AKAP6: variants seen among roughly 807,000 people sequenced by gnomAD.
AKAP6 encodes A-kinase anchor protein 6.
Under a neutral mutation model 188.5 loss-of-function variants are expected in AKAP6, and 58 were observed. The observed-to-expected ratio is 0.31, with a 90% CI of 0.25 to 0.38. AKAP6 has a LOEUF of 0.38. AKAP6 is among the 10% of genes least tolerant of loss of function. The pLI, the probability that AKAP6 is intolerant of heterozygous loss-of-function variation, is 1.00. For synonymous variants in AKAP6, 989 were observed against 998.6 expected (o/e 0.99, Z 0.18); for missense variants, 2,710 against 2,740.0 (o/e 0.99, Z 0.24).
intron 2 of AKAP6, among the ~76,000 whole-genome samples, chr14:32,513,308 T>C (rs1292274943): frequency 6.6e-6 from 1 of 152,214 alleles, no homozygotes; most frequent in Non-Finnish European, 1.5e-5. Context: ...AATAAGTGTA[T>C]TTTCCTTACC....
At chr14:32,599,271 C>A in intron 5 of AKAP6, 139 bp from the exon 6 acceptor site, 1 of 633,544 alleles carries the variant, frequency 1.6e-6, no homozygotes, top group Non-Finnish European at 2.7e-6. Flanking sequence ...ATATCAATAG[C>A]TTTTAGTATT....
At chr14:32,676,308 G>T (rs1326181775) in intron 7 of AKAP6, among the ~76,000 whole-genome samples, 3 of 151,984 alleles carry the variant, frequency 2.0e-5, no homozygotes, top group Non-Finnish European at 4.4e-5. Context: ...GTTTCTGATT[G>T]TTGACTCTTT....
intron 1 of AKAP6, among the ~76,000 whole-genome samples, chr14:32,372,970 T>C (rs1888056945): frequency 1.3e-5 from 2 of 152,098 alleles, no homozygotes; most frequent in South Asian, 4.1e-4. Context: ...AATTGTTGCT[T>C]GTTTTAGGAA....
At chr14:32,569,060 T>C (rs1297943856) in intron 4 of AKAP6, among the ~76,000 whole-genome samples, 1 of 152,190 alleles carries the variant, frequency 6.6e-6, no homozygotes, top group Non-Finnish European at 1.5e-5. Flanking sequence ...CTTTTCCCAG[T>C]TGAAACCACT....
rs140455189 is a variant in AKAP6 at position 32,651,342 on chromosome 14, C to T, written c.2731-26969C>T. On this transcript the variant is annotated intron_variant, in intron 7 of 13. Transcript: ENST00000280979. ...TCATCACTCTTCTAAATTGTTTGAC[C>T]GGCTCTTTGTCACTATGGTGGTAAT... 4.7e-3 allele frequency among the ~76,000 whole-genome samples: 709 copies of T among 152,232 alleles called. 10 individuals carry two copies. The highest frequency in any genetic ancestry group is 0.016 in the African/African-American group (672 of 41,534).
At chr14:32,447,704 G>A (rs1890801960) in intron 2 of AKAP6, among the ~76,000 whole-genome samples, 1 of 152,176 alleles carries the variant, frequency 6.6e-6, no homozygotes, top group Admixed American at 6.5e-5. Flanking sequence ...AAAATTATCA[G>A]TGTATCACAT....
At chr14:32,765,087 A>G (rs1426450597) in intron 11 of AKAP6, among the ~76,000 whole-genome samples, 1 of 151,896 alleles carries the variant, frequency 6.6e-6, no homozygotes, top group Non-Finnish European at 1.5e-5. Context: ...GGTACATGCC[A>G]CCACGCCCAG....
chr14:32,490,214 T>A (rs2138941370), intron 2 of AKAP6, among the ~76,000 whole-genome samples: 1 of 151,482 alleles, frequency 6.6e-6, no homozygotes, highest in East Asian at 2.0e-4. Context: ...TTTGTGGATC[T>A]TCAGTTGCTT....
intron 5 of AKAP6, among the ~76,000 whole-genome samples, chr14:32,578,472 T>G (rs1421479259): frequency 6.6e-6 from 1 of 152,164 alleles, no homozygotes; most frequent in Non-Finnish European, 1.5e-5. Flanking sequence ...TTTTATATAC[T>G]GTCCTTAGTA....
chr14:32,728,436 A>T (rs2030999890), intron 9 of AKAP6, among the ~76,000 whole-genome samples: 1 of 151,656 alleles, frequency 6.6e-6, no homozygotes, highest in Admixed American at 6.6e-5. Context: ...GGGAAAGGGG[A>T]TCTTGCTGGA....
At chr14:32,430,448 A>T (rs1890180357) in intron 1 of AKAP6, among the ~76,000 whole-genome samples, 1 of 152,158 alleles carries the variant, frequency 6.6e-6, no homozygotes. Context: ...TTACGGTAGG[A>T]TGTGTATTCC....
At chr14:32,334,481 T>G (rs1886627580) in intron 1 of AKAP6, among the ~76,000 whole-genome samples, 3 of 152,210 alleles carry the variant, frequency 2.0e-5, no homozygotes, top group Admixed American at 1.3e-4. Context: ...TAATAATGAC[T>G]CCAAAGCTCA....
intron 4 of AKAP6, among the ~76,000 whole-genome samples, chr14:32,570,290 C>T (rs977042200): frequency 7.3e-6 from 1 of 137,176 alleles, no homozygotes; most frequent in Non-Finnish European, 1.6e-5. Context: ...GCCACCACGC[C>T]CAGCTGATTT....
At chr14:32,481,139 T>G (rs1447953093) in intron 2 of AKAP6, among the ~76,000 whole-genome samples, 5 of 152,208 alleles carry the variant, frequency 3.3e-5, no homozygotes, top group Non-Finnish European at 7.3e-5. Context: ...TATTTCTGCA[T>G]CCATATATAA....
In AKAP6 at chr14:32,455,624, T is replaced by G. The variant is rs190068161; in HGVS notation, c.324+21807T>G. On this transcript the variant is annotated intron_variant, in intron 2 of 13. Coordinates refer to ENST00000280979, the MANE Select transcript of AKAP6 (RefSeq NM_004274.5). ...AAATCCTGAGATTCTTCCTTGAAAATTAATTTGAAAATAAATTTGCTTGCC... is the reference window on the plus strand; with the variant it reads ...AAATCCTGAGATTCTTCCTTGAAAAGTAATTTGAAAATAAATTTGCTTGCC... 1.9e-3 allele frequency among the ~76,000 whole-genome samples: 293 copies of G among 152,290 alleles called. 6 individuals are homozygous for G. In the East Asian group the frequency reaches 0.041, roughly 21 times the overall value.
At chr14:32,388,012 T>C (rs1271436158) in intron 1 of AKAP6, among the ~76,000 whole-genome samples, 1 of 152,060 alleles carries the variant, frequency 6.6e-6, no homozygotes, top group East Asian at 1.9e-4. Context: ...AATTACCATT[T>C]CAATCTCGCT....
In AKAP6 at chr14:32,639,177, A is replaced by T. The variant is rs950736303; in HGVS notation, c.2730+38385A>T. Among the ~76,000 whole-genome samples the T allele has an allele frequency of 3.3e-5, 5 of 152,184 alleles. No homozygotes were observed. In the South Asian group the frequency reaches 1.0e-3, roughly 32 times the overall value. Reference sequence around the variant, plus strand: ...TAACACTTAGGAATAAGCCCTGAAGATGATTAAAGGAGTTATAGATGATTC... The same window carrying T: ...TAACACTTAGGAATAAGCCCTGAAGTTGATTAAAGGAGTTATAGATGATTC... On this transcript the variant is annotated intron_variant, in intron 7 of 13. Transcript: ENST00000280979.
chr14:32,630,747 CT>C (rs1442865596), intron 7 of AKAP6, among the ~76,000 whole-genome samples: 2 of 152,118 alleles, frequency 1.3e-5, no homozygotes, highest in Non-Finnish European at 2.9e-5. Context: ...GGGGTTAGTT[CT>C]TTTAATGTTT....
chr14:32,351,964 A>T (rs116237070), intron 1 of AKAP6, among the ~76,000 whole-genome samples: 3,798 of 152,014 alleles, frequency 0.025, 137 homozygotes, highest in African/African-American at 0.082. Flanking sequence ...TGTGATTTGA[A>T]CTTGGGTTTG....
Sources: allele counts gnomAD v4.1 joint callset (sites outside exome capture counted in the v4.1 genomes callset), GRCh38; gene constraint gnomAD v4.1.1; transcripts MANE v1.5; gene names NCBI Gene and HGNC (gene_info 2026-07-23, HGNC 2026-07-21).